Variants in NPAS2 observed in about 807,000 individuals in gnomAD.
NPAS2 encodes neuronal PAS domain-containing protein 2.
A neutral mutation model predicts 107.5 loss-of-function variants in NPAS2; 23 were observed. That is an observed-to-expected ratio of 0.21 (90% CI 0.15 to 0.30). The LOEUF (loss-of-function observed/expected upper bound fraction) is 0.30, where lower values mean the gene tolerates loss of function less well. NPAS2 is among the 10% of genes least tolerant of loss of function. The pLI, the probability that NPAS2 is intolerant of heterozygous loss-of-function variation, is 1.00. For synonymous variants in NPAS2, 403 were observed against 417.5 expected, an observed-to-expected ratio of 0.97 and a Z score of 0.42; for missense variants, 756 against 1,043.3, an observed-to-expected ratio of 0.72 and a Z score of 3.79.
intron 14 of NPAS2, 153 bp downstream of exon 14, chr2:100,975,720 T>A: frequency 1.9e-6 from 1 of 526,148 alleles, no homozygotes; most frequent in South Asian, 3.0e-5. Flanking sequence ...GTTAAGTAAT[T>A]TAATTGGCAA....
At chr2:100,839,292 C>G (rs544453522) in intron 1 of NPAS2, among the ~76,000 whole-genome samples, 1 of 152,128 alleles carries the variant, frequency 6.6e-6, no homozygotes, top group Non-Finnish European at 1.5e-5. Flanking sequence ...CCATACCCAG[C>G]TAATTTTTGC....
In NPAS2 at chr2:100,924,987, C is replaced by T. The variant is rs557522231; in HGVS notation, c.33-159C>T. Reference sequence around the variant, plus strand: ...AGTCTAGCAAAACATTTTCTATCCTCCTGCCTTGGAAATGTGGCCAGCGTG... The same window carrying T: ...AGTCTAGCAAAACATTTTCTATCCTTCTGCCTTGGAAATGTGGCCAGCGTG... On this transcript the variant is annotated intron_variant, in intron 2 of 20. Transcript: ENST00000335681. Among the ~76,000 whole-genome samples the T allele has an allele frequency of 5.3e-5, 8 of 152,298 alleles. No individual in the cohort carries two copies. The South Asian group carries it at 1.5e-3, about 28-fold the overall frequency.
At chr2:100,835,573 C>CT (rs995775718) in intron 1 of NPAS2, among the ~76,000 whole-genome samples, 48 of 152,174 alleles carry the variant, frequency 3.2e-4, no homozygotes, top group Non-Finnish European at 5.7e-4. Flanking sequence ...TCCTTGCTGT[C>CT]TTTTAGTAGC....
chr2:100,845,187 G>A (rs186597026), intron 1 of NPAS2, among the ~76,000 whole-genome samples: 8 of 152,298 alleles, frequency 5.3e-5, no homozygotes, highest in Admixed American at 5.2e-4. Flanking sequence ...TGGAAGCAGT[G>A]GATCGGGGTG....
intron 1 of NPAS2, among the ~76,000 whole-genome samples, chr2:100,828,779 T>C (rs1458300913): frequency 2.0e-5 from 3 of 152,208 alleles, no homozygotes; most frequent in Non-Finnish European, 4.4e-5. Flanking sequence ...ACCAGTACCA[T>C]GCTGTTTTGG....
intron 15 of NPAS2, among the ~76,000 whole-genome samples, chr2:100,981,768 CGACCG>C (rs1189093999): frequency 1.3e-5 from 2 of 152,086 alleles, no homozygotes; most frequent in Non-Finnish European, 2.9e-5. Context: ...TTTAGGATAA[CGACCG>C]GACCCAAAAA....
At chr2:100,901,561 C>A in intron 1 of NPAS2, 4 of 984,854 alleles carry the variant, frequency 4.1e-6, no homozygotes, top group South Asian at 4.7e-5. Flanking sequence ...TGCAGAGGAT[C>A]CTGCAGACAT....
At chr2:100,822,732 G>A (rs1361672044) in intron 1 of NPAS2, 4 of 151,934 alleles carry the variant, frequency 2.6e-5, no homozygotes, top group Non-Finnish European at 5.9e-5. Context: ...ATGAATCGTC[G>A]GTTCTCCCAG....
intron 13 of NPAS2, 24 bp from the exon 14 acceptor site, chr2:100,975,434 A>C (rs763799518): frequency 6.3e-7 from 1 of 1,598,068 alleles, no homozygotes; most frequent in Admixed American, 1.7e-5. Context: ...GGAAGTTAGA[A>C]GGTCATTCGT....
intron 2 of NPAS2, among the ~76,000 whole-genome samples, chr2:100,916,866 G>A (rs1682909050): frequency 6.6e-6 from 1 of 152,104 alleles, no homozygotes; most frequent in Non-Finnish European, 1.5e-5. Context: ...GAAACAGAAA[G>A]ATAGCGGGAA....
intron 2 of NPAS2, 35 bp downstream of exon 2, chr2:100,904,821 C>G: frequency 6.5e-7 from 1 of 1,531,122 alleles, no homozygotes; most frequent in African/African-American, 1.4e-5. Context: ...CAGCAGAGCT[C>G]TCTGGCCCCC....
intron 3 of NPAS2, among the ~76,000 whole-genome samples, chr2:100,930,467 T>C (rs1161157950): frequency 6.6e-6 from 1 of 152,142 alleles, no homozygotes; most frequent in Non-Finnish European, 1.5e-5. Context: ...GAGTAGAATT[T>C]GGGGGGTTGG....
At position 100,990,436 on chromosome 2, in the gene NPAS2, C is replaced by T. The variant is rs770699838; in HGVS notation, c.2008C>T (p.Arg670Trp). ...CQPSPDFSHD[R>W]QLRLLLSQPI... ...GCCCAGCCCAGACTTCAGCCATGATCGGCAGCTCAGGTACGAGACTGCCCT... is the reference window on the plus strand; with the variant it reads ...GCCCAGCCCAGACTTCAGCCATGATTGGCAGCTCAGGTACGAGACTGCCCT... Residue 670 changes from arginine to tryptophan, a missense_variant, in exon 18 of 21, where the codon CGG (arginine) becomes TGG (tryptophan). By Grantham distance (101) the Arg-to-Trp change is moderately radical. Transcript: ENST00000335681. 5.0e-6 allele frequency: 8 copies of T among 1,614,184 alleles called. No homozygotes were observed. The highest frequency in any genetic ancestry group is 5.9e-6 in the Non-Finnish European group (7 of 1,180,014).
At chr2:100,986,182 TC>T (rs1446541517) in intron 16 of NPAS2, 1 of 152,196 alleles carries the variant, frequency 6.6e-6, no homozygotes, top group East Asian at 1.9e-4. Flanking sequence ...TGCAGGCTTC[TC>T]TGTGGTGGGT....
In NPAS2 at chr2:100,820,942, A is replaced by T. The variant is rs977667339; in HGVS notation, c.-23+528A>T. On this transcript the variant is annotated intron_variant, in intron 1 of 20. Transcript: ENST00000335681. The surrounding 1 kb of genome is among the most constrained non-coding windows in gnomAD (Gnocchi z 5.6). ...ATTGGGTGCGGAATCGGTGCCCCCA[A>T]CCCCCGTGTGCGCAGACAGCGTGCA... The T allele has an allele frequency of 9.3e-6, 8 of 864,346 alleles. No individual in the cohort carries two copies. The highest frequency in any genetic ancestry group is 8.8e-5 in the Admixed American group (3 of 34,144). The allele number at this position is 864,346 out of a possible 1,614,324, so 53.5% of individuals were successfully genotyped here.
intron 3 of NPAS2, among the ~76,000 whole-genome samples, chr2:100,928,600 T>C (rs1683734291): frequency 6.6e-6 from 1 of 152,230 alleles, no homozygotes. Context: ...CACAACCTGC[T>C]TAAACACAAT....
At chr2:100,876,130 TCAGA>T (rs139930380) in intron 1 of NPAS2, among the ~76,000 whole-genome samples, 35 of 152,318 alleles carry the variant, frequency 2.3e-4, no homozygotes, top group African/African-American at 8.4e-4. Context: ...GCAGCTGACA[TCAGA>T]CAGAGACTTC....
intron 17 of NPAS2, chr2:100,988,955 GCGCCCC>G (rs1487405362): frequency 4.5e-6 from 1 of 221,118 alleles, no homozygotes; most frequent in African/African-American, 2.7e-5. Context: ...GTTCCTCCAG[GCGCCCC>G]CTGCTCCTCC....
At chr2:100,907,521 CA>C (rs1389521706) in intron 2 of NPAS2, among the ~76,000 whole-genome samples, 15 of 151,226 alleles carry the variant, frequency 9.9e-5, no homozygotes, top group African/African-American at 2.9e-4. Context: ...CACACACACA[CA>C]CCCCTAAGAT....
Sources: gnomAD v4.1 joint callset for allele counts (sites outside exome capture counted in the v4.1 genomes callset) on GRCh38, gnomAD v4.1.1 for gene constraint, Gnocchi (gnomAD v3.1) non-coding constraint, MANE v1.5 for transcripts, NCBI Gene and HGNC (gene_info 2026-07-23, HGNC 2026-07-21) for gene names.